Variants in CDHR3 observed in about 807,000 individuals in gnomAD.
CDHR3 encodes cadherin-related family member 3.
CDHR3 carries 79 observed loss-of-function variants against 86.6 expected under a neutral mutation model. The ratio of observed to expected loss-of-function variants is 0.91; its 90% CI spans 0.76 to 1.10. The LOEUF (loss-of-function observed/expected upper bound fraction) is 1.10, where lower values mean the gene tolerates loss of function less well. Among genes scored for constraint, CDHR3 ranks in the 50% least tolerant of loss-of-function variants. The pLI is 0.00. For missense variants in CDHR3, 1,081 were observed against 1,077.6 expected, an observed-to-expected ratio of 1.00 and a Z score of -0.04; for synonymous variants, 421 against 402.4, an observed-to-expected ratio of 1.05 and a Z score of -0.55.
Position 105,963,343 on chromosome 7 carries a change from G to A in CDHR3, c.25G>A (p.Ala9Thr), listed in dbSNP as rs151184516. ...TATGCAGGAAGCAATCATTCTCCTG[G>A]CTCTCCTGGGTGCCATGTCAGGTAG... MQEAIILL[A>T]LLGAMSGGEA... Residue 9 changes from alanine (A) to threonine (T), a missense_variant, in exon 1 of 19, where the codon GCT (alanine) becomes ACT (threonine). Ala to Thr is a moderately conservative substitution (Grantham distance 58). Coordinates refer to ENST00000317716, the MANE Select transcript of CDHR3 (RefSeq NM_152750.5). The A allele has an allele frequency of 6.2e-7, 1 of 1,614,028 alleles. No homozygotes were observed. Among genetic ancestry groups the A allele is most frequent in the East Asian group, 2.2e-5 (1 of 44,886 alleles).
At chr7:106,008,738 T>TTA in intron 8 of CDHR3, among the ~76,000 whole-genome samples, 1 of 152,144 alleles carries the variant, frequency 6.6e-6, no homozygotes, top group Non-Finnish European at 1.5e-5. Context: ...AGCATCACAC[T>TTA]TACACTTTCT....
At chr7:106,025,727 G>A (rs140289978) in intron 15 of CDHR3, among the ~76,000 whole-genome samples, 2 of 152,302 alleles carry the variant, frequency 1.3e-5, no homozygotes, top group Non-Finnish European at 2.9e-5. Flanking sequence ...CAAGGCATTA[G>A]AATAAAGATG....
At chr7:106,014,832 C>T (rs552055050) in intron 9 of CDHR3, among the ~76,000 whole-genome samples, 35 of 152,278 alleles carry the variant, frequency 2.3e-4, no homozygotes, top group Middle Eastern at 3.4e-3. Context: ...TTTTCTTCAA[C>T]GAATCTGAAG....
In CDHR3 at chr7:105,981,013, A is replaced by G. The variant is rs748432217; in HGVS notation, c.295A>G (p.Asn99Asp). Reference protein sequence around the residue: ...MEQLDFETGPNIFDLQIYVKD... With the variant: ...MEQLDFETGPDIFDLQIYVKD... ...ACAACTAGATTTTGAAACAGGACCA[A>G]ACATATTTGATTTGCAGATTTATGT... The change falls in exon 3 of 19, where the codon AAC (asparagine) becomes GAC (aspartate). Residue 99 changes from asparagine to aspartate, a missense_variant. By Grantham distance (23) the Asn-to-Asp change is conservative (BLOSUM62 1). Coordinates refer to ENST00000317716, the MANE Select transcript of CDHR3 (RefSeq NM_152750.5). The G allele has an allele frequency of 2.5e-6, 4 of 1,611,260 alleles. No homozygotes were observed. The highest frequency in any genetic ancestry group is 1.3e-5 in the African/African-American group (1 of 75,034).
At chr7:106,016,948 G>C (rs1382934576) in intron 11 of CDHR3, among the ~76,000 whole-genome samples, 2 of 152,152 alleles carry the variant, frequency 1.3e-5, no homozygotes, top group African/African-American at 4.8e-5. Flanking sequence ...AAAAGAGAAG[G>C]TTCTGCCCTT....
intron 6 of CDHR3, among the ~76,000 whole-genome samples, chr7:105,999,455 C>A (rs1226911262): frequency 6.6e-6 from 1 of 152,232 alleles, no homozygotes; most frequent in East Asian, 1.9e-4. Context: ...AGCCAGGTAC[C>A]CCATTGTAGA....
At chr7:106,018,792 T>C (rs1836067592) in intron 12 of CDHR3, among the ~76,000 whole-genome samples, 1 of 152,138 alleles carries the variant, frequency 6.6e-6, no homozygotes, top group African/African-American at 2.4e-5. Flanking sequence ...CCTCTATGCA[T>C]ACCAGATGGG....
Position 106,017,853 on chromosome 7 carries a change from C to A in CDHR3, c.1434C>A (p.Thr478=). ...GGTACTTTATTCCTCCAGCCAGAAC[C>A]CGAGTGGGACAGGTGCGAGCCACTG... The part of the protein sequence containing the change: ...FDVSERRPAR[T]RVGQVRATDK... The change falls in exon 12 of 19, where the codon ACC becomes ACA. Residue 478 remains threonine (T), a synonymous_variant. Transcript: ENST00000317716. The A allele has an allele frequency of 2.5e-6, 4 of 1,576,508 alleles. No homozygotes were observed. Among genetic ancestry groups the A allele is most frequent in the Non-Finnish European group, 3.4e-6 (4 of 1,161,314 alleles).
chr7:106,013,104 C>T (rs1835065246), intron 9 of CDHR3, 73 bp downstream of exon 9: 1 of 1,378,416 alleles, frequency 7.3e-7, no homozygotes, highest in Admixed American at 2.6e-5. Flanking sequence ...TTTTGCTGCC[C>T]CATAGAGAGA....
At chr7:106,024,949 G>A (rs190519879) in intron 15 of CDHR3, among the ~76,000 whole-genome samples, 77 of 152,272 alleles carry the variant, frequency 5.1e-4, no homozygotes, top group Non-Finnish European at 8.1e-4. Flanking sequence ...TGGAATTAAG[G>A]CAAGCACACA....
chr7:105,981,676 G>A (rs916047116), intron 3 of CDHR3, among the ~76,000 whole-genome samples: 18 of 152,064 alleles, frequency 1.2e-4, no homozygotes, highest in Admixed American at 6.6e-5. Flanking sequence ...TGTGGCGGTC[G>A]TAACACAAAC....
Position 106,006,288 on chromosome 7 carries a change from C to A in CDHR3, c.1052+1601C>A, listed in dbSNP as rs1833935832. ...GACACAGCCAAACCATATCATCCTG[C>A]CCCAGCCCTTCCCAAATCTCACGTT... On this transcript the variant is annotated intron_variant, in intron 8 of 18. Coordinates refer to ENST00000317716, the MANE Select transcript of CDHR3 (RefSeq NM_152750.5). Among the ~76,000 whole-genome samples, 3 of 152,162 alleles carry A rather than the reference C, an allele frequency of 2.0e-5. No individual in the cohort carries two copies. The South Asian group carries it at 6.2e-4, about 32-fold the overall frequency.
At chr7:105,967,396 A>C (rs1199930589) in intron 1 of CDHR3, among the ~76,000 whole-genome samples, 1 of 152,242 alleles carries the variant, frequency 6.6e-6, no homozygotes, top group African/African-American at 2.4e-5. Flanking sequence ...TGCTATTGTG[A>C]ATAGTGCCAC....
chr7:106,001,270 A>G (rs1833127912), intron 6 of CDHR3, among the ~76,000 whole-genome samples, 192 bp from the exon 7 acceptor site: 1 of 152,194 alleles, frequency 6.6e-6, no homozygotes, highest in Non-Finnish European at 1.5e-5. Flanking sequence ...CTTCACATCC[A>G]CAGGGATGTG....
intron 2 of CDHR3, 91 bp downstream of exon 2, chr7:105,975,137 C>T: frequency 1.8e-6 from 2 of 1,094,608 alleles, no homozygotes; most frequent in Non-Finnish European, 2.8e-6. Context: ...TGATTAATTC[C>T]TCCATCTGGT....
Position 106,034,125 on chromosome 7 carries a change from G to A in CDHR3, c.*1428G>A, listed in dbSNP as rs967962779. On this transcript the variant is annotated 3_prime_UTR_variant, in exon 19 of 19. Coordinates refer to ENST00000317716, the MANE Select transcript of CDHR3 (RefSeq NM_152750.5). ...CAGGACTCTGAGTGGGGACATACTG[G>A]AAGCCCCATCTAGACATAAAACTCA... Among the ~76,000 whole-genome samples the A allele has an allele frequency of 6.6e-5, 10 of 152,200 alleles. No individual in the cohort carries two copies. Among genetic ancestry groups the A allele is most frequent in the Non-Finnish European group, 8.8e-5 (6 of 68,030 alleles).
At chr7:106,023,719 G>A (rs1310488100) in intron 14 of CDHR3, among the ~76,000 whole-genome samples, 1 of 152,160 alleles carries the variant, frequency 6.6e-6, no homozygotes, top group African/African-American at 2.4e-5. Context: ...TCCCATGCTC[G>A]AGTCAATATG....
chr7:105,981,481 A>G (rs534012862), intron 3 of CDHR3, among the ~76,000 whole-genome samples: 1 of 152,182 alleles, frequency 6.6e-6, no homozygotes, highest in African/African-American at 2.4e-5. Flanking sequence ...TGGCTTGTTC[A>G]TTCTCCCCAT....
At chr7:105,984,806 G>A (rs1830282672) in intron 4 of CDHR3, among the ~76,000 whole-genome samples, 2 of 152,122 alleles carry the variant, frequency 1.3e-5, no homozygotes, top group South Asian at 2.1e-4. Flanking sequence ...CAGATGCAGC[G>A]GCTCATGCCT....
Sources: allele counts gnomAD v4.1 joint callset (sites outside exome capture counted in the v4.1 genomes callset), GRCh38; gene constraint gnomAD v4.1.1; transcripts MANE v1.5; gene names NCBI Gene and HGNC (gene_info 2026-07-23, HGNC 2026-07-21).